ANO3: variants seen among roughly 807,000 people sequenced by gnomAD.
The protein encoded by ANO3 is anoctamin 3.
ANO3 carries 99 observed loss-of-function variants against 144.8 expected under a neutral mutation model. That is an observed-to-expected ratio of 0.68 (90% CI 0.58 to 0.81). The LOEUF (loss-of-function observed/expected upper bound fraction) is 0.81. Among genes scored for constraint, ANO3 ranks in the 30% least tolerant of loss-of-function variants. The probability of loss-of-function intolerance (pLI) is 0.00; values close to 1 mark genes in which losing one functional copy is unlikely to be tolerated. For synonymous variants in ANO3, 414 were observed against 392.6 expected (o/e 1.05, Z -0.64); for missense variants, 905 against 1,202.2 (o/e 0.75, Z 3.66).
At chr11:26,447,667 ATT>A (rs200504180) in intron 3 of ANO3, among the ~76,000 whole-genome samples, 1 of 150,260 alleles carries the variant, frequency 6.7e-6, no homozygotes, top group African/African-American at 2.4e-5. Context: ...AATGAGTTTG[ATT>A]TTTTTTTTGT....
At chr11:26,564,171 T>C (rs1272256141) in intron 14 of ANO3, among the ~76,000 whole-genome samples, 2 of 151,738 alleles carry the variant, frequency 1.3e-5, no homozygotes, top group African/African-American at 4.8e-5. Flanking sequence ...ATTCTCAATA[T>C]GTATATTAGG....
At chr11:26,229,010 G>T (rs564252125) in intron 1 of ANO3, among the ~76,000 whole-genome samples, 1 of 152,110 alleles carries the variant, frequency 6.6e-6, no homozygotes, top group African/African-American at 2.4e-5. Flanking sequence ...TGCCATTTCC[G>T]TTCTAAGTAA....
rs375405218 is a variant in ANO3, at chr11:26,599,618, A to G, written c.1740A>G (p.Ala580=). The G allele has an allele frequency of 1.2e-6, 2 of 1,614,032 alleles. No individual in the cohort carries two copies. The highest frequency in any genetic ancestry group is 2.2e-5 in the East Asian group (1 of 44,886). The change falls in exon 17 of 27, where the codon GCA becomes GCG. Residue 580 remains alanine (A), a synonymous_variant. Coordinates refer to ENST00000256737, the MANE Select transcript of ANO3 (RefSeq NM_031418.4). ...VYRLVVMEQF[A]SFKWNFIKQY... ...GCCTGGTTGTCATGGAACAGTTTGC[A>G]TCATTCAAGTGGAATTTCATCAAAC...
intron 1 of ANO3, among the ~76,000 whole-genome samples, chr11:26,354,990 C>G (rs889478607): frequency 2.1e-5 from 3 of 145,242 alleles, no homozygotes; most frequent in African/African-American, 7.7e-5. Context: ...TTCTTGTACT[C>G]AAGCTCATGA....
At position 26,500,135 on chromosome 11, in the gene ANO3, A is replaced by G. The variant is rs1033696075; in HGVS notation, c.433-7969A>G. On this transcript the variant is annotated intron_variant, in intron 4 of 26. Coordinates refer to ENST00000256737, the MANE Select transcript of ANO3 (RefSeq NM_031418.4). Reference sequence around the variant, plus strand: ...TAGACCTATGTTGTAGCATGTGTTAACATTTCATTTCTTTCTATTGCCAAA... The same window carrying G: ...TAGACCTATGTTGTAGCATGTGTTAGCATTTCATTTCTTTCTATTGCCAAA... Among the ~76,000 whole-genome samples, 6 of 152,066 alleles carry G rather than the reference A, an allele frequency of 3.9e-5. No homozygotes were observed. The South Asian group carries it at 1.2e-3, about 31-fold the overall frequency.
At chr11:26,575,423 T>C (rs1269259798) in intron 14 of ANO3, among the ~76,000 whole-genome samples, 1 of 151,906 alleles carries the variant, frequency 6.6e-6, no homozygotes. Flanking sequence ...CATAAATATA[T>C]ATTAGAAATA....
chr11:26,464,299 AC>A (rs776923397), intron 4 of ANO3, among the ~76,000 whole-genome samples: 3 of 151,836 alleles, frequency 2.0e-5, no homozygotes, highest in Middle Eastern at 3.2e-3. Context: ...TTCTATGGTT[AC>A]TAAATCTGCC....
chr11:26,228,455 T>C (rs1852302535), intron 1 of ANO3, among the ~76,000 whole-genome samples: 1 of 152,218 alleles, frequency 6.6e-6, no homozygotes, highest in South Asian at 2.1e-4. Flanking sequence ...TCTCAGTCCA[T>C]TCCTGGCATC....
At chr11:26,493,273 C>A (rs1860787149) in intron 4 of ANO3, among the ~76,000 whole-genome samples, 2 of 151,962 alleles carry the variant, frequency 1.3e-5, no homozygotes, top group Admixed American at 6.6e-5. Context: ...AAGATTATAC[C>A]TCTGAGTTTT....
In ANO3 at chr11:26,571,760, T is replaced by C. The variant is rs529926238; in HGVS notation, c.1447+11981T>C. Among the ~76,000 whole-genome samples, 6 of 152,328 alleles carry C rather than the reference T, an allele frequency of 3.9e-5. No homozygotes were observed. The South Asian group carries it at 1.2e-3, about 32-fold the overall frequency. ...TTCTATTTCATAGTCACGTATGTTT[T>C]AAATAAGGCTTTTATTTAACTCTTC... On this transcript the variant is annotated intron_variant, in intron 14 of 26. Transcript: ENST00000256737.
chr11:26,215,372 T>C (rs1318693623), intron 1 of ANO3, among the ~76,000 whole-genome samples: 1 of 152,052 alleles, frequency 6.6e-6, no homozygotes, highest in Non-Finnish European at 1.5e-5. Flanking sequence ...ATTTGGTTGC[T>C]CCAATTGTTC....
At chr11:26,368,548 G>A (rs987012836) in intron 1 of ANO3, among the ~76,000 whole-genome samples, 4 of 151,958 alleles carry the variant, frequency 2.6e-5, no homozygotes, top group African/African-American at 9.7e-5. Context: ...AGGAAAGGAA[G>A]GAAGATGGAA....
chr11:26,409,684 T>C (rs1295199847), intron 1 of ANO3, among the ~76,000 whole-genome samples: 1 of 151,988 alleles, frequency 6.6e-6, no homozygotes, highest in Non-Finnish European at 1.5e-5. Context: ...GAAATGAGTA[T>C]CATCTACTTT....
chr11:26,549,301 G>C (rs1590506956), intron 12 of ANO3, among the ~76,000 whole-genome samples: 1 of 151,866 alleles, frequency 6.6e-6, no homozygotes, highest in East Asian at 1.9e-4. Context: ...CTATAATTAA[G>C]ATCCTGTCAG....
chr11:26,375,228 A>G (rs566755323), intron 1 of ANO3, among the ~76,000 whole-genome samples: 1 of 152,250 alleles, frequency 6.6e-6, no homozygotes, highest in East Asian at 1.9e-4. Context: ...GCAGTTCACA[A>G]TAGGGTTTGT....
chr11:26,200,973 T>A (rs1851681954), intron 1 of ANO3, among the ~76,000 whole-genome samples: 1 of 152,166 alleles, frequency 6.6e-6, no homozygotes, highest in South Asian at 2.1e-4. Flanking sequence ...AATATCCACA[T>A]TGCCTTTATT....
intron 1 of ANO3, among the ~76,000 whole-genome samples, chr11:26,367,177 C>G (rs1856115355): frequency 6.6e-6 from 1 of 152,142 alleles, no homozygotes; most frequent in African/African-American, 2.4e-5. Flanking sequence ...TAGGCAATAC[C>G]ATTCAGGACA....
At chr11:26,347,908 G>A (rs2133908423) in intron 1 of ANO3, among the ~76,000 whole-genome samples, 2 of 152,294 alleles carry the variant, frequency 1.3e-5, no homozygotes, top group Middle Eastern at 6.8e-3. Flanking sequence ...CAAGAAAAGG[G>A]TCCTGGCCCA....
chr11:26,200,500 C>T (rs1402445784), intron 1 of ANO3, among the ~76,000 whole-genome samples: 1 of 152,088 alleles, frequency 6.6e-6, no homozygotes, highest in Non-Finnish European at 1.5e-5. Context: ...ATTTATTTAG[C>T]ACCTCTTCTG....
Sources: allele counts gnomAD v4.1 joint callset (sites outside exome capture counted in the v4.1 genomes callset), GRCh38; gene constraint gnomAD v4.1.1; transcripts MANE v1.5; gene names NCBI Gene and HGNC (gene_info 2026-07-23, HGNC 2026-07-21).